Variants in TEK observed in about 807,000 individuals in gnomAD.
TEK encodes angiopoietin-1 receptor.
TEK carries 43 observed loss-of-function variants against 131.8 expected under a neutral mutation model. That is an observed-to-expected ratio of 0.33 (90% confidence interval 0.26 to 0.42). The LOEUF (loss-of-function observed/expected upper bound fraction) is 0.42, where lower values mean the gene tolerates loss of function less well. Ranked by LOEUF, TEK falls within the 10% of genes least tolerant of loss-of-function variation. TEK has a pLI of 1.00. For synonymous variants in TEK, 580 were observed against 491.6 expected (o/e 1.18, Z -2.38); for missense variants, 1,162 against 1,384.4 (o/e 0.84, Z 2.55).
chr9:27,172,897 CT>C (rs755693558), intron 5 of TEK, 150 bp downstream of exon 5: 4 of 1,140,596 alleles, frequency 3.5e-6, no homozygotes, highest in Non-Finnish European at 5.1e-6. Context: ...AAAAAGGTGC[CT>C]TTTCCTAAAG....
Position 27,228,320 on chromosome 9 carries a change from C to A in TEK, c.3300+15C>A, listed in dbSNP as rs1826419480. 1.3e-6 allele frequency: 2 copies of A among 1,589,672 alleles called. No individual in the cohort carries two copies. The highest frequency in any genetic ancestry group is 1.1e-5 in the South Asian group (1 of 90,536). On this transcript the variant is annotated intron_variant, in intron 22 of 22. Coordinates refer to ENST00000380036, the MANE Select transcript of TEK (RefSeq NM_000459.5). ...AGGAGCGAAAGGTAAGTATTAAAGT[C>A]AGGCAGGAGATCTTTAATTGGAATA... is the stretch of plus-strand genomic sequence containing the variant.
chr9:27,208,154 A>G (rs902075200), intron 15 of TEK, among the ~76,000 whole-genome samples: 3 of 152,200 alleles, frequency 2.0e-5, no homozygotes, highest in African/African-American at 7.2e-5. Context: ...TGAAGTGGAC[A>G]ACCTCACTAT....
At chr9:27,121,108 G>A (rs1821765617) in intron 1 of TEK, among the ~76,000 whole-genome samples, 1 of 152,076 alleles carries the variant, frequency 6.6e-6, no homozygotes, top group Non-Finnish European at 1.5e-5. Context: ...AATCACCTGA[G>A]GTCAGGAGTT....
chr9:27,176,284 G>A lies in TEK; in HGVS notation c.901+2922G>A, dbSNP rs1011642193. On this transcript the variant is annotated intron_variant, in intron 6 of 22. Transcript: ENST00000380036. ...ATAATAGAAATTTTTGAAGCAAATA[G>A]TGGGGACAATAAAGAGAACAGGGGA... Among the ~76,000 whole-genome samples, 3 of 152,182 alleles carry A rather than the reference G, an allele frequency of 2.0e-5. No homozygotes were observed. The East Asian group carries it at 5.8e-4, about 29-fold the overall frequency.
intron 4 of TEK, 31 bp from the exon 5 acceptor site, chr9:27,172,585 C>G: frequency 6.2e-7 from 1 of 1,612,480 alleles, no homozygotes; most frequent in East Asian, 2.2e-5. Flanking sequence ...ATGCGCTCTA[C>G]TCACCACAGC....
intron 20 of TEK, 119 bp from the exon 21 acceptor site, chr9:27,219,930 G>C: frequency 9.9e-7 from 1 of 1,005,746 alleles, no homozygotes; most frequent in African/African-American, 1.6e-5. Flanking sequence ...CATGCAGGAT[G>C]CTCACCCTCT....
intron 16 of TEK, among the ~76,000 whole-genome samples, chr9:27,210,024 G>C (rs1234544975): frequency 6.6e-6 from 1 of 152,134 alleles, no homozygotes; most frequent in Admixed American, 6.5e-5. Flanking sequence ...ACAGCCTCTT[G>C]TTGACTTTGC....
chr9:27,161,072 A>C (rs193251300), intron 2 of TEK, among the ~76,000 whole-genome samples: 34 of 152,350 alleles, frequency 2.2e-4, no homozygotes, highest in Non-Finnish European at 3.5e-4. Context: ...ATCCTTGACA[A>C]TGTATAAATA....
At chr9:27,225,525 C>G (rs1056266316) in intron 21 of TEK, among the ~76,000 whole-genome samples, 1 of 152,154 alleles carries the variant, frequency 6.6e-6, no homozygotes, top group Non-Finnish European at 1.5e-5. Context: ...GTTGGGAAAA[C>G]TGGCTAGCCA....
intron 2 of TEK, among the ~76,000 whole-genome samples, chr9:27,165,586 T>A (rs1014464786): frequency 5.9e-5 from 9 of 152,240 alleles, no homozygotes; most frequent in Non-Finnish European, 1.2e-4. Flanking sequence ...CGACCTCTTC[T>A]AGGCACCTCA....
chr9:27,154,854 C>T (rs1023941541), intron 1 of TEK, among the ~76,000 whole-genome samples: 8 of 152,138 alleles, frequency 5.3e-5, no homozygotes, highest in Admixed American at 1.3e-4. Context: ...TTTCCTTTTC[C>T]GTCACTGAAA....
chr9:27,224,926 AGT>A (rs995885816), intron 21 of TEK, among the ~76,000 whole-genome samples: 4 of 152,236 alleles, frequency 2.6e-5, no homozygotes, highest in African/African-American at 9.6e-5. Context: ...ATACAAAATC[AGT>A]GTGCAAAAAT....
chr9:27,201,430 A>G (rs948039194), intron 12 of TEK, among the ~76,000 whole-genome samples: 8 of 152,180 alleles, frequency 5.3e-5, no homozygotes, highest in African/African-American at 1.9e-4. Flanking sequence ...TAATCTGAAA[A>G]TGTTGGTATT....
At chr9:27,218,685 C>T (rs1564106750) in intron 19 of TEK, 92 bp from the exon 20 acceptor site, 1 of 1,332,094 alleles carries the variant, frequency 7.5e-7, no homozygotes. Context: ...CTCCTTTTCT[C>T]AGAAAGGGTG....
intron 21 of TEK, among the ~76,000 whole-genome samples, chr9:27,226,487 G>C (rs547121126): frequency 2.0e-5 from 3 of 152,104 alleles, no homozygotes; most frequent in Non-Finnish European, 4.4e-5. Context: ...AAGAACAGAA[G>C]ACCAAACATT....
At chr9:27,114,076 A>G (rs1289923143) in intron 1 of TEK, among the ~76,000 whole-genome samples, 1 of 152,234 alleles carries the variant, frequency 6.6e-6, no homozygotes, top group Non-Finnish European at 1.5e-5. Context: ...AGCTTTGGGC[A>G]GCCAGATTTA....
At chr9:27,197,116 C>T (rs974599487) in intron 11 of TEK, among the ~76,000 whole-genome samples, 199 bp from the exon 12 acceptor site, 2 of 149,836 alleles carry the variant, frequency 1.3e-5, no homozygotes, top group African/African-American at 4.9e-5. Flanking sequence ...CATCAGAACT[C>T]ACTCGGTATC....
intron 15 of TEK, among the ~76,000 whole-genome samples, chr9:27,207,993 T>C (rs1825459487): frequency 6.6e-6 from 1 of 151,904 alleles, no homozygotes; most frequent in South Asian, 2.1e-4. Flanking sequence ...AGGAGAGGGG[T>C]GTAGAATCTT....
intron 18 of TEK, 119 bp downstream of exon 18, chr9:27,213,716 G>C (rs759125574): frequency 6.7e-5 from 51 of 764,460 alleles, no homozygotes; most frequent in Non-Finnish European, 1.1e-4. Context: ...GTATGTCCCA[G>C]TAGATACTGT....
Sources: gnomAD v4.1 joint callset for allele counts (sites outside exome capture counted in the v4.1 genomes callset) on GRCh38, gnomAD v4.1.1 for gene constraint, MANE v1.5 for transcripts, NCBI Gene and HGNC (gene_info 2026-07-23, HGNC 2026-07-21) for gene names.